Variants in BAIAP2 observed in about 807,000 individuals in gnomAD.
BAIAP2 encodes the protein BAR/IMD domain containing adaptor protein 2.
A neutral mutation model predicts 63.0 loss-of-function variants in BAIAP2; 18 were observed. The observed-to-expected ratio is 0.29, with a 90% CI of 0.20 to 0.42. The LOEUF (loss-of-function observed/expected upper bound fraction) is 0.42, where lower values mean the gene tolerates loss of function less well. Ranked by LOEUF, BAIAP2 falls within the 10% of genes least tolerant of loss-of-function variation. BAIAP2 has a pLI of 1.00. For missense variants in BAIAP2, 610 were observed against 734.3 expected (o/e 0.83, Z 1.96); for synonymous variants, 386 against 307.6 (o/e 1.25, Z -2.67).
At chr17:81,039,168 G>A (rs2046742019) in intron 1 of BAIAP2, among the ~76,000 whole-genome samples, 1 of 152,230 alleles carries the variant, frequency 6.6e-6, no homozygotes, top group African/African-American at 2.4e-5. Flanking sequence ...CCTTTAGCAG[G>A]GGGCACGTCT....
intron 7 of BAIAP2, 36 bp downstream of exon 7, chr17:81,100,116 G>T: frequency 6.3e-7 from 1 of 1,579,032 alleles, no homozygotes; most frequent in Non-Finnish European, 8.6e-7. Context: ...GCCGGCGCTG[G>T]GCCTTGCTGG....
chr17:81,093,221 GC>G (rs2057089538), intron 6 of BAIAP2, among the ~76,000 whole-genome samples: 1 of 151,874 alleles, frequency 6.6e-6, no homozygotes, highest in Non-Finnish European at 1.5e-5. Flanking sequence ...GGGTGGGGCA[GC>G]CGGGCCCCTG....
At chr17:81,108,251 G>A in intron 12 of BAIAP2, 3 of 596,862 alleles carry the variant, frequency 5.0e-6, no homozygotes, top group South Asian at 2.0e-5. Context: ...CCGCTGGCTG[G>A]AGGAGGTATC....
In BAIAP2 at chr17:81,062,602, C is replaced by T. The variant is rs1302605198; in HGVS notation, c.217+4635C>T. On this transcript the variant is annotated intron_variant, in intron 3 of 13. Transcript: ENST00000428708. Reference sequence around the variant, plus strand: ...GTGCAGAGTCAGCTTCTCCTCCTCCCGGGTCAGAGCCCCGTGTTTTCTGGG... The same window carrying T: ...GTGCAGAGTCAGCTTCTCCTCCTCCTGGGTCAGAGCCCCGTGTTTTCTGGG... Among the ~76,000 whole-genome samples, 3 of 152,086 alleles carry T rather than the reference C, an allele frequency of 2.0e-5. No individual in the cohort carries two copies. In the South Asian group the frequency reaches 6.2e-4, roughly 32 times the overall value.
intron 3 of BAIAP2, among the ~76,000 whole-genome samples, chr17:81,072,376 C>T (rs567562753): frequency 6.6e-6 from 1 of 152,364 alleles, no homozygotes; most frequent in East Asian, 1.9e-4. Context: ...CTCAGTGTCC[C>T]TATGTCCATG....
intron 3 of BAIAP2, among the ~76,000 whole-genome samples, chr17:81,062,889 G>A (rs553536580): frequency 5.3e-5 from 8 of 151,932 alleles, no homozygotes; most frequent in Non-Finnish European, 7.4e-5. Context: ...CCACCTTGGT[G>A]CTGATTTTAT....
chr17:81,077,959 G>A (rs12451533), intron 3 of BAIAP2, among the ~76,000 whole-genome samples: 15,726 of 133,074 alleles, frequency 0.12, 892 homozygotes, highest in Middle Eastern at 0.25. Context: ...GCCGTATTGG[G>A]TGGGAGCCGG....
At chr17:81,052,555 G>A (rs533039924) in intron 1 of BAIAP2, among the ~76,000 whole-genome samples, 15 of 152,216 alleles carry the variant, frequency 9.9e-5, no homozygotes, top group Admixed American at 7.8e-4. Context: ...TCGGGGCCTC[G>A]TTTCCCAAGA....
rs1025282907 is a variant in BAIAP2, at chr17:81,115,852, C to G, written c.*13C>G. 1.9e-6 allele frequency: 3 copies of G among 1,613,046 alleles called. No homozygotes were observed. Among genetic ancestry groups the G allele is most frequent in the Non-Finnish European group, 2.5e-6 (3 of 1,179,938 alleles). ...CCTCCTCAGCTGATGGCCACATCTGCAGTGCTGCCCATCTGGTGGCTTCCC... is the reference window on the plus strand; with the variant it reads ...CCTCCTCAGCTGATGGCCACATCTGGAGTGCTGCCCATCTGGTGGCTTCCC... On this transcript the variant is annotated 3_prime_UTR_variant, in exon 14 of 14. Coordinates refer to ENST00000428708, the MANE Select transcript of BAIAP2 (RefSeq NM_001144888.2).
At chr17:81,101,908 C>A (rs1265446076) in intron 7 of BAIAP2, among the ~76,000 whole-genome samples, 1 of 152,274 alleles carries the variant, frequency 6.6e-6, no homozygotes, top group East Asian at 1.9e-4. Flanking sequence ...GCCTGCTAGA[C>A]CCAGGACAGT....
Position 81,086,594 on chromosome 17 carries a change from C to A in BAIAP2, c.489+14C>A, listed in dbSNP as rs778109095. On this transcript the variant is annotated intron_variant, in intron 6 of 13. Coordinates refer to ENST00000428708, the MANE Select transcript of BAIAP2 (RefSeq NM_001144888.2). ...AAGGAGCTGCAGGTAGGCCCGCCAC[C>A]CCCGCTGTGGTGCCTCTCCTGCCAC... 9.3e-6 allele frequency: 15 copies of A among 1,612,088 alleles called. No individual in the cohort carries two copies. The East Asian group carries it at 2.9e-4, about 31-fold the overall frequency.
chr17:81,073,467 A>G lies in BAIAP2; in HGVS notation c.218-11365A>G, dbSNP rs542222244. On this transcript the variant is annotated intron_variant, in intron 3 of 13. Coordinates refer to ENST00000428708, the MANE Select transcript of BAIAP2 (RefSeq NM_001144888.2). ...GTGCTTTGGTAGAAATGATCTTTTAACTGACTAAGCAGAGTGTTAACTGAA... is the reference window on the plus strand; with the variant it reads ...GTGCTTTGGTAGAAATGATCTTTTAGCTGACTAAGCAGAGTGTTAACTGAA... 2.1e-4 allele frequency among the ~76,000 whole-genome samples: 32 copies of G among 152,208 alleles called. No homozygotes were observed. In the South Asian group the frequency reaches 6.0e-3, roughly 29 times the overall value.
At chr17:81,086,633 A>G (rs1008006044) in intron 6 of BAIAP2, 53 bp downstream of exon 6, 29 of 1,602,178 alleles carry the variant, frequency 1.8e-5, no homozygotes, top group Non-Finnish European at 2.3e-5. Context: ...GGGACTGCTC[A>G]CCCCTCGGCC....
At chr17:81,072,064 C>T (rs1373461486) in intron 3 of BAIAP2, among the ~76,000 whole-genome samples, 2 of 152,240 alleles carry the variant, frequency 1.3e-5, no homozygotes. Context: ...GTTGCTCCTC[C>T]TTCGAGCGCC....
At chr17:81,060,730 C>T (rs1234901924) in intron 3 of BAIAP2, among the ~76,000 whole-genome samples, 1 of 152,174 alleles carries the variant, frequency 6.6e-6, no homozygotes, top group Non-Finnish European at 1.5e-5. Flanking sequence ...TCAGCCACTT[C>T]CCACCCTCCT....
intron 3 of BAIAP2, among the ~76,000 whole-genome samples, chr17:81,060,513 C>G (rs555392193): frequency 6.6e-6 from 1 of 152,156 alleles, no homozygotes; most frequent in Non-Finnish European, 1.5e-5. Context: ...TGCTATAGCC[C>G]GTGTCAGGGC....
intron 10 of BAIAP2, 68 bp from the exon 11 acceptor site, chr17:81,106,010 A>T (rs893755849): frequency 7.2e-7 from 1 of 1,395,902 alleles, no homozygotes; most frequent in Non-Finnish European, 9.9e-7. Flanking sequence ...TTGTGCATGG[A>T]TGGTGGTCGG....
At chr17:81,043,146 C>T (rs781061987) in intron 1 of BAIAP2, among the ~76,000 whole-genome samples, 1 of 152,150 alleles carries the variant, frequency 6.6e-6, no homozygotes, top group African/African-American at 2.4e-5. Context: ...GGATTACAGG[C>T]GTGAGCCACT....
chr17:81,116,629 T>C lies in BAIAP2; in HGVS notation c.*790T>C. 1 of 404,142 alleles carries C rather than the reference T, an allele frequency of 2.5e-6. No individual in the cohort carries two copies. The highest frequency in any genetic ancestry group is 3.2e-5 in the South Asian group (1 of 30,968). The allele number at this position is 404,142 out of a possible 1,614,324, so 25.0% of individuals were successfully genotyped here. On this transcript the variant is annotated 3_prime_UTR_variant, in exon 14 of 14. Transcript: ENST00000428708. ...CCGCTTCCGGGGTCTGCCCCAGGAC[T>C]CCTGGGTGGACCTCCCCCCCCCACC...
Sources: gnomAD v4.1 joint callset for allele counts (sites outside exome capture counted in the v4.1 genomes callset) on GRCh38, gnomAD v4.1.1 for gene constraint, MANE v1.5 for transcripts, NCBI Gene and HGNC (gene_info 2026-07-23, HGNC 2026-07-21) for gene names.